Variants in MRPL1 observed in about 807,000 individuals in gnomAD.
MRPL1 encodes the protein mitochondrial ribosomal protein L1.
A neutral mutation model predicts 38.0 loss-of-function variants in MRPL1; 28 were observed. That is an observed-to-expected ratio of 0.74 (90% CI 0.55 to 1.01). The LOEUF (loss-of-function observed/expected upper bound fraction) is 1.01, where lower values mean the gene tolerates loss of function less well. Among genes scored for constraint, MRPL1 ranks in the 50% least tolerant of loss-of-function variants. The pLI is 0.00. For synonymous variants in MRPL1, 123 were observed against 126.7 expected, an observed-to-expected ratio of 0.97 and a Z score of 0.20; for missense variants, 358 against 389.8, an observed-to-expected ratio of 0.92 and a Z score of 0.69.
At chr4:77,882,243 A>G (rs1453503239) in intron 2 of MRPL1, among the ~76,000 whole-genome samples, 5 of 152,162 alleles carry the variant, frequency 3.3e-5, no homozygotes, top group South Asian at 4.1e-4. Context: ...ATACCATTTT[A>G]TTTTGTGCCT....
intron 7 of MRPL1, among the ~76,000 whole-genome samples, chr4:77,925,332 A>C (rs1736689638): frequency 6.6e-6 from 1 of 150,704 alleles, no homozygotes; most frequent in African/African-American, 2.4e-5. Flanking sequence ...ATAATTAAGT[A>C]CTTTTTTTTT....
chr4:77,875,608 C>T (rs1360591451), intron 2 of MRPL1, among the ~76,000 whole-genome samples: 1 of 151,026 alleles, frequency 6.6e-6, no homozygotes, highest in East Asian at 1.9e-4. Context: ...GCCAAGATCG[C>T]GCCACTGCCC....
chr4:77,949,253 A>G lies in MRPL1; in HGVS notation c.778-544A>G, dbSNP rs536735156. Among the ~76,000 whole-genome samples, 5 of 152,334 alleles carry G rather than the reference A, an allele frequency of 3.3e-5. No homozygotes were observed. The South Asian group carries it at 1.0e-3, about 32-fold the overall frequency. On this transcript the variant is annotated intron_variant, in intron 7 of 8. Transcript: ENST00000315567. ...GGAGTTTTATGAATAGAACTCATTC[A>G]CTGTATATTTACTTACTGCTAAATG...
rs58835728 is a variant in MRPL1 at position 77,910,167 on chromosome 4, A to C, written c.777+795A>C. 6.0e-4 allele frequency among the ~76,000 whole-genome samples: 91 copies of C among 152,340 alleles called. 1 individual carries two copies. The highest frequency in any genetic ancestry group is 2.1e-3 in the African/African-American group (86 of 41,592). On this transcript the variant is annotated intron_variant, in intron 7 of 8. Coordinates refer to ENST00000315567, the MANE Select transcript of MRPL1 (RefSeq NM_020236.4). ...TCACCCCTGTCTTATAGATGAAGGCATGCAAGCCCAGAGAAGTTAAGTAAC... is the reference window on the plus strand; with the variant it reads ...TCACCCCTGTCTTATAGATGAAGGCCTGCAAGCCCAGAGAAGTTAAGTAAC...
At chr4:77,943,477 A>G (rs1192466275) in intron 7 of MRPL1, among the ~76,000 whole-genome samples, 1 of 152,022 alleles carries the variant, frequency 6.6e-6, no homozygotes, top group Non-Finnish European at 1.5e-5. Flanking sequence ...TCAAACTTTT[A>G]GATTTCTTTT....
intron 7 of MRPL1, among the ~76,000 whole-genome samples, chr4:77,918,053 C>CA (rs774178945): frequency 0.33 from 26,728 of 81,960 alleles, 3,317 homozygotes; most frequent in African/African-American, 0.46. Flanking sequence ...GACTTCATCT[C>CA]AAAAAAAAAA....
At chr4:77,866,041 A>T (rs557095832) in intron 1 of MRPL1, among the ~76,000 whole-genome samples, 69 of 151,342 alleles carry the variant, frequency 4.6e-4, no homozygotes, top group Non-Finnish European at 6.6e-4. Flanking sequence ...GGCTTAGCAT[A>T]AAAAAAAACA....
intron 5 of MRPL1, among the ~76,000 whole-genome samples, chr4:77,887,513 GGTGTGT>G (rs770209823): frequency 3.9e-4 from 59 of 151,038 alleles, no homozygotes; most frequent in Admixed American, 3.8e-3. Context: ...GTTTATTTGG[GGTGTGT>G]GTGTGTGTGT....
chr4:77,927,074 C>T (rs1267758477), intron 7 of MRPL1, among the ~76,000 whole-genome samples: 1 of 151,692 alleles, frequency 6.6e-6, no homozygotes, highest in African/African-American at 2.4e-5. Flanking sequence ...ATACTTTTCC[C>T]TCCCTCCTTG....
intron 2 of MRPL1, among the ~76,000 whole-genome samples, chr4:77,880,626 T>G (rs760327450): frequency 2.6e-5 from 4 of 152,010 alleles, no homozygotes; most frequent in Non-Finnish European, 5.9e-5. Flanking sequence ...ACTATTACAC[T>G]AATTTAAAAC....
chr4:77,885,845 T>G (rs1735665470), intron 4 of MRPL1, among the ~76,000 whole-genome samples: 1 of 152,216 alleles, frequency 6.6e-6, no homozygotes, highest in Non-Finnish European at 1.5e-5. Flanking sequence ...GAGAAAGAGC[T>G]AAATTAGAAC....
At chr4:77,868,874 G>A (rs554852132) in intron 1 of MRPL1, among the ~76,000 whole-genome samples, 8 of 152,300 alleles carry the variant, frequency 5.3e-5, no homozygotes, top group East Asian at 3.9e-4. Flanking sequence ...GTAGTAGCTC[G>A]TGGAGTACCT....
chr4:77,865,583 C>G (rs1735109218), intron 1 of MRPL1, among the ~76,000 whole-genome samples: 1 of 152,014 alleles, frequency 6.6e-6, no homozygotes, highest in South Asian at 2.1e-4. Flanking sequence ...CCAGGCTGCT[C>G]TCGAGCTCCT....
At chr4:77,865,939 G>A (rs534966258) in intron 1 of MRPL1, among the ~76,000 whole-genome samples, 1 of 152,242 alleles carries the variant, frequency 6.6e-6, no homozygotes, top group South Asian at 2.1e-4. Context: ...ATGGCCTACA[G>A]TTGTGCTATT....
intron 6 of MRPL1, among the ~76,000 whole-genome samples, chr4:77,905,262 C>T (rs1328572117): frequency 1.3e-5 from 2 of 151,804 alleles, no homozygotes; most frequent in East Asian, 1.9e-4. Context: ...TTTGGGAGGC[C>T]GAGGCAGGAG....
intron 7 of MRPL1, among the ~76,000 whole-genome samples, chr4:77,919,628 A>T (rs1736516383): frequency 6.6e-6 from 1 of 152,170 alleles, no homozygotes; most frequent in Non-Finnish European, 1.5e-5. Context: ...AAAATACGGT[A>T]TATTAGGACT....
At chr4:77,891,113 G>A (rs57501818) in intron 5 of MRPL1, among the ~76,000 whole-genome samples, 33,836 of 151,970 alleles carry the variant, frequency 0.22, 4,712 homozygotes, top group African/African-American at 0.39. Flanking sequence ...TTCTAGGCCA[G>A]AGTCAGTGGG....
At chr4:77,878,115 A>G (rs989140778) in intron 2 of MRPL1, among the ~76,000 whole-genome samples, 2 of 152,148 alleles carry the variant, frequency 1.3e-5, no homozygotes, top group African/African-American at 4.8e-5. Flanking sequence ...GCTCTGGCGC[A>G]AGGGAGACTG....
chr4:77,872,048 A>G (rs1735292275), intron 2 of MRPL1, among the ~76,000 whole-genome samples, 193 bp downstream of exon 2: 1 of 152,212 alleles, frequency 6.6e-6, no homozygotes, highest in Non-Finnish European at 1.5e-5. Flanking sequence ...CTGATGTTCA[A>G]TAACTAACTT....
Sources: allele counts gnomAD v4.1 joint callset (sites outside exome capture counted in the v4.1 genomes callset), GRCh38; gene constraint gnomAD v4.1.1; transcripts MANE v1.5; gene names NCBI Gene and HGNC (gene_info 2026-07-23, HGNC 2026-07-21).